The following TRAPPC9 variants were observed in gnomAD, a reference collection of about 807,000 sequenced individuals.
TRAPPC9 encodes the protein IKK2 binding protein.
Under a neutral mutation model 124.0 loss-of-function variants are expected in TRAPPC9, and 83 were observed. The observed-to-expected ratio is 0.67, with a 90% CI of 0.56 to 0.80. The LOEUF is 0.80. Among genes scored for constraint, TRAPPC9 ranks in the 30% least tolerant of loss-of-function variants. TRAPPC9 has a pLI of 0.00. For synonymous variants in TRAPPC9, 638 were observed against 617.5 expected, an observed-to-expected ratio of 1.03 and a Z score of -0.49; for missense variants, 1,302 against 1,508.3, an observed-to-expected ratio of 0.86 and a Z score of 2.27.
At chr8:140,282,604 G>A (rs1290699103) in intron 14 of TRAPPC9, among the ~76,000 whole-genome samples, 2 of 151,160 alleles carry the variant, frequency 1.3e-5, no homozygotes, top group African/African-American at 4.9e-5. Flanking sequence ...AATTCCAATA[G>A]CAAGGAAATT....
chr8:139,932,133 C>T (rs999303342), intron 19 of TRAPPC9: 1 of 361,090 alleles, frequency 2.8e-6, no homozygotes, highest in Non-Finnish European at 5.5e-6. Context: ...GGGTGCTGGC[C>T]CAAAGGCAGG....
intron 17 of TRAPPC9, among the ~76,000 whole-genome samples, chr8:140,112,421 G>A (rs1008859270): frequency 1.3e-5 from 2 of 151,454 alleles, no homozygotes; most frequent in African/African-American, 2.4e-5. Flanking sequence ...AATTCCAGAC[G>A]ATGGTGGGAC....
At chr8:140,011,330 A>G (rs1453503785) in intron 18 of TRAPPC9, among the ~76,000 whole-genome samples, 2 of 151,724 alleles carry the variant, frequency 1.3e-5, no homozygotes, top group African/African-American at 4.8e-5. Flanking sequence ...CAACAGAGCA[A>G]GGGTCAGTCT....
rs1234280796 is a variant in TRAPPC9 at position 140,101,532 on chromosome 8, C to CTTTTTTTTTTTT, written c.2557-77454_2557-77453insAAAAAAAAAAAA. ...ACTTGGGTTGGTTTTGTAGGGTTTT[C>CTTTTTTTTTTTT]TTTTTTTTGTTTTTTTTTTTTTTTT... On this transcript the variant is annotated intron_variant, in intron 17 of 22. Coordinates refer to ENST00000438773, the MANE Select transcript of TRAPPC9 (RefSeq NM_001160372.4). Among the ~76,000 whole-genome samples, 10 of 78,722 alleles carry CTTTTTTTTTTTT rather than the reference C, an allele frequency of 1.3e-4. 3 individuals are homozygous for CTTTTTTTTTTTT. Among genetic ancestry groups the CTTTTTTTTTTTT allele is most frequent in the East Asian group, 9.1e-4 (2 of 2,206 alleles). The allele number at this position is 78,722 out of a possible 152,430, so 51.6% of individuals were successfully genotyped here.
intron 17 of TRAPPC9, among the ~76,000 whole-genome samples, chr8:140,193,370 T>A (rs12678868): frequency 0.67 from 101,120 of 151,984 alleles, 34,031 homozygotes; most frequent in Non-Finnish European, 0.71. Context: ...TCACCCAAAC[T>A]GAGTGACCTG....
At chr8:140,365,953 T>C (rs1043643758) in intron 8 of TRAPPC9, among the ~76,000 whole-genome samples, 4 of 152,200 alleles carry the variant, frequency 2.6e-5, no homozygotes, top group African/African-American at 9.6e-5. Context: ...CCCCAGTGTA[T>C]GTTATTCCCC....
chr8:139,926,075 T>C (rs1297220602), intron 19 of TRAPPC9, among the ~76,000 whole-genome samples: 1 of 152,236 alleles, frequency 6.6e-6, no homozygotes, highest in African/African-American at 2.4e-5. Context: ...AGCCTGAAAT[T>C]GCCCAGAAGG....
intron 9 of TRAPPC9, among the ~76,000 whole-genome samples, chr8:140,356,931 G>A (rs2132155475): frequency 6.6e-6 from 1 of 152,256 alleles, no homozygotes; most frequent in East Asian, 1.9e-4. Context: ...TTTGAAAAAT[G>A]TCTGAGGACC....
chr8:140,374,275 G>A (rs2068370158), intron 7 of TRAPPC9, among the ~76,000 whole-genome samples: 1 of 152,132 alleles, frequency 6.6e-6, no homozygotes, highest in South Asian at 2.1e-4. Context: ...ACTGTAAAGA[G>A]GAGGCAGGGG....
At chr8:140,076,529 CCAA>C (rs1843521194) in intron 17 of TRAPPC9, among the ~76,000 whole-genome samples, 1 of 152,242 alleles carries the variant, frequency 6.6e-6, no homozygotes, top group African/African-American at 2.4e-5. Flanking sequence ...GCCTCCCGAG[CCAA>C]CGTGTGTCCA....
At chr8:140,197,949 T>C (rs67538257) in intron 17 of TRAPPC9, among the ~76,000 whole-genome samples, 53,531 of 151,996 alleles carry the variant, frequency 0.35, 9,707 homozygotes, top group East Asian at 0.59. Flanking sequence ...GCACATCTTG[T>C]GCAGCAAGAT....
intron 19 of TRAPPC9, among the ~76,000 whole-genome samples, chr8:139,980,956 G>A (rs536719217): frequency 2.4e-4 from 36 of 152,310 alleles, no homozygotes; most frequent in African/African-American, 4.3e-4. Flanking sequence ...ACAAAGAGGC[G>A]CGTGGTGTGT....
intron 21 of TRAPPC9, among the ~76,000 whole-genome samples, chr8:139,766,595 T>C (rs115025247): frequency 0.021 from 3,245 of 152,168 alleles, 103 homozygotes; most frequent in African/African-American, 0.071. Flanking sequence ...GACCTGGGAG[T>C]GCACACGCGG....
At chr8:140,403,519 T>A (rs1182648700) in intron 6 of TRAPPC9, among the ~76,000 whole-genome samples, 2 of 152,182 alleles carry the variant, frequency 1.3e-5, no homozygotes, top group African/African-American at 4.8e-5. Flanking sequence ...GTGCTGGGAT[T>A]ACAGGCATGA....
chr8:139,733,361 T>C (rs1452785481), intron 21 of TRAPPC9, among the ~76,000 whole-genome samples: 1 of 152,156 alleles, frequency 6.6e-6, no homozygotes, highest in Non-Finnish European at 1.5e-5. Context: ...TCAGCCTTCC[T>C]GCCTCCAGAA....
intron 17 of TRAPPC9, among the ~76,000 whole-genome samples, chr8:140,155,767 G>A (rs2061618035): frequency 2.6e-5 from 4 of 152,266 alleles, no homozygotes; most frequent in Middle Eastern, 3.4e-3. Flanking sequence ...TTTGATTTTT[G>A]CAACAGTTGC....
At chr8:140,044,708 C>T (rs1004591349) in intron 17 of TRAPPC9, among the ~76,000 whole-genome samples, 4 of 152,366 alleles carry the variant, frequency 2.6e-5, no homozygotes, top group Admixed American at 2.0e-4. Context: ...CAGAAGATTA[C>T]AGCTTCTCGC....
chr8:139,873,472 G>A (rs1587059689), intron 21 of TRAPPC9, among the ~76,000 whole-genome samples: 2 of 152,116 alleles, frequency 1.3e-5, no homozygotes, highest in South Asian at 4.2e-4. Context: ...TGAGTGCCGG[G>A]GGTAAGCCAA....
chr8:140,018,502 T>C (rs1389033806), intron 18 of TRAPPC9, among the ~76,000 whole-genome samples: 1 of 151,780 alleles, frequency 6.6e-6, no homozygotes, highest in Non-Finnish European at 1.5e-5. Flanking sequence ...TTTGTTTTTG[T>C]ATTTTTAGTA....
Sources: allele counts gnomAD v4.1 joint callset (sites outside exome capture counted in the v4.1 genomes callset), GRCh38; gene constraint gnomAD v4.1.1; transcripts MANE v1.5; gene names NCBI Gene and HGNC (gene_info 2026-07-23, HGNC 2026-07-21).